Variants in RAB31 observed in about 807,000 individuals in gnomAD.
RAB31 encodes the protein RAB31, member RAS oncogene family.
RAB31 carries 21 observed loss-of-function variants against 25.6 expected under a neutral mutation model. That is an observed-to-expected ratio of 0.82 (90% CI 0.58 to 1.18). The LOEUF (loss-of-function observed/expected upper bound fraction) is 1.18. Among genes scored for constraint, RAB31 ranks in the 50% most tolerant of loss-of-function variants. The pLI is 0.00. For missense variants in RAB31, 196 were observed against 250.1 expected (o/e 0.78, Z 1.46); for synonymous variants, 87 against 84.0 (o/e 1.04, Z -0.20).
intron 1 of RAB31, among the ~76,000 whole-genome samples, chr18:9,755,279 T>C (rs2068255267): frequency 6.6e-6 from 1 of 152,246 alleles, no homozygotes; most frequent in South Asian, 2.1e-4. Context: ...TTGATGTCTG[T>C]GACTGCCTTC....
At chr18:9,807,240 C>T (rs1401008772) in intron 3 of RAB31, among the ~76,000 whole-genome samples, 2 of 152,156 alleles carry the variant, frequency 1.3e-5, no homozygotes, top group African/African-American at 4.8e-5. Flanking sequence ...GGGGCATGTT[C>T]GGAGGCCTCC....
At chr18:9,811,446 G>C (rs1470289715) in intron 3 of RAB31, among the ~76,000 whole-genome samples, 2 of 152,206 alleles carry the variant, frequency 1.3e-5, no homozygotes, top group Admixed American at 1.3e-4. Flanking sequence ...TTGATCCAAT[G>C]ATGAGTATCG....
At position 9,747,535 on chromosome 18, in the gene RAB31, A is replaced by G. The variant is rs111411787; in HGVS notation, c.40-27743A>G. On this transcript the variant is annotated intron_variant, in intron 1 of 6. Transcript: ENST00000578921. ...GAAAAATTATTCAGCTGTAAAAATG[A>G]ATAAACTACCGACACATGGTACAAT... Among the ~76,000 whole-genome samples the G allele has an allele frequency of 9.2e-3, 1,402 of 152,356 alleles. 19 individuals carry two copies. The highest frequency in any genetic ancestry group is 0.031 in the African/African-American group (1,288 of 41,576).
At chr18:9,718,143 T>C (rs2068053701) in intron 1 of RAB31, among the ~76,000 whole-genome samples, 1 of 152,208 alleles carries the variant, frequency 6.6e-6, no homozygotes, top group African/African-American at 2.4e-5. Context: ...GTGATCCACC[T>C]GCCTCAGCCT....
At chr18:9,840,377 T>C (rs1348330121) in intron 5 of RAB31, among the ~76,000 whole-genome samples, 1 of 152,160 alleles carries the variant, frequency 6.6e-6, no homozygotes, top group African/African-American at 2.4e-5. Flanking sequence ...TATACACTTG[T>C]TGAAAAAAAA....
intron 6 of RAB31, among the ~76,000 whole-genome samples, chr18:9,857,686 T>TAGATAGATGGTA (rs1555693032): frequency 6.1e-5 from 7 of 114,176 alleles, no homozygotes; most frequent in Admixed American, 1.8e-4. Flanking sequence ...GATAGATAGA[T>TAGATAGATGGTA]GATAGATAGA....
At chr18:9,812,590 T>C (rs1001427620) in intron 3 of RAB31, among the ~76,000 whole-genome samples, 1 of 152,184 alleles carries the variant, frequency 6.6e-6, no homozygotes. Context: ...TTGTTGGCAA[T>C]GTATATGTCT....
At chr18:9,846,926 G>A (rs1334225322) in intron 6 of RAB31, among the ~76,000 whole-genome samples, 1 of 152,180 alleles carries the variant, frequency 6.6e-6, no homozygotes, top group Non-Finnish European at 1.5e-5. Flanking sequence ...CTTCACTGGG[G>A]TCTTCACTCT....
chr18:9,738,808 C>T (rs2068163343), intron 1 of RAB31, among the ~76,000 whole-genome samples: 1 of 152,192 alleles, frequency 6.6e-6, no homozygotes, highest in Non-Finnish European at 1.5e-5. Flanking sequence ...TGTGCTAGGC[C>T]TCTGGAGTAG....
chr18:9,736,478 C>T (rs1208348625), intron 1 of RAB31, among the ~76,000 whole-genome samples: 1 of 151,850 alleles, frequency 6.6e-6, no homozygotes, highest in Admixed American at 6.6e-5. Flanking sequence ...GGGGAAGCCC[C>T]TGCCCTCTCC....
chr18:9,733,975 G>T (rs2068136661), intron 1 of RAB31, among the ~76,000 whole-genome samples: 1 of 151,704 alleles, frequency 6.6e-6, no homozygotes, highest in Non-Finnish European at 1.5e-5. Flanking sequence ...GAAAAGAGGG[G>T]AGTATCTATT....
At position 9,833,972 on chromosome 18, in the gene RAB31, A is replaced by T. The variant is rs568296026; in HGVS notation, c.381-11610A>T. Among the ~76,000 whole-genome samples, 4 of 152,300 alleles carry T rather than the reference A, an allele frequency of 2.6e-5. No homozygotes were observed. The East Asian group carries it at 7.7e-4, about 29-fold the overall frequency. On this transcript the variant is annotated intron_variant, in intron 5 of 6. Transcript: ENST00000578921. ...TCAATCCCTTCATGCTTTTTATGAGACAGATGGGATACTGATAGAGATATG... is the reference window on the plus strand; with the variant it reads ...TCAATCCCTTCATGCTTTTTATGAGTCAGATGGGATACTGATAGAGATATG...
At chr18:9,830,006 ATAT>A (rs201291302) in intron 5 of RAB31, among the ~76,000 whole-genome samples, 16 of 150,542 alleles carry the variant, frequency 1.1e-4, no homozygotes, top group Non-Finnish European at 4.4e-5. Context: ...CTTTTAAAAA[ATAT>A]TATTATTATT....
chr18:9,843,988 G>A (rs1212268783), intron 5 of RAB31, among the ~76,000 whole-genome samples: 3 of 152,150 alleles, frequency 2.0e-5, no homozygotes, highest in South Asian at 2.1e-4. Context: ...AGGAAGGGGC[G>A]GGGAGGTGGG....
intron 2 of RAB31, among the ~76,000 whole-genome samples, chr18:9,783,866 G>T (rs2068418076): frequency 6.6e-6 from 1 of 152,046 alleles, no homozygotes; most frequent in Non-Finnish European, 1.5e-5. Flanking sequence ...ATAAGAATAA[G>T]ATATTTTCTA....
intron 3 of RAB31, among the ~76,000 whole-genome samples, chr18:9,800,858 G>A (rs750808136): frequency 3.9e-5 from 6 of 151,902 alleles, no homozygotes; most frequent in Admixed American, 2.6e-4. Context: ...TCTAAAGTAC[G>A]CACCTTGGTG....
intron 6 of RAB31, among the ~76,000 whole-genome samples, chr18:9,853,538 T>A (rs981162389): frequency 6.6e-5 from 10 of 152,132 alleles, no homozygotes; most frequent in Non-Finnish European, 1.5e-4. Flanking sequence ...AGGGAAGGGA[T>A]GAATTGGTGG....
chr18:9,709,878 G>T (rs1013186802), intron 1 of RAB31, among the ~76,000 whole-genome samples: 1 of 152,148 alleles, frequency 6.6e-6, no homozygotes, highest in African/African-American at 2.4e-5. Context: ...CTTCCCTCTT[G>T]AGGGGCCATT....
intron 6 of RAB31, among the ~76,000 whole-genome samples, chr18:9,855,766 A>T (rs954276559): frequency 6.6e-6 from 1 of 151,978 alleles, no homozygotes; most frequent in Non-Finnish European, 1.5e-5. Context: ...CATGTGTGTG[A>T]CTTATCCCAG....
Sources: gnomAD v4.1 joint callset for allele counts (sites outside exome capture counted in the v4.1 genomes callset) on GRCh38, gnomAD v4.1.1 for gene constraint, MANE v1.5 for transcripts, NCBI Gene and HGNC (gene_info 2026-07-23, HGNC 2026-07-21) for gene names.